Variants in NEXMIF observed in about 807,000 individuals in gnomAD.
The protein encoded by NEXMIF is XLMR protein related to neurite extension.
In NEXMIF, 8 loss-of-function variants were observed where a neutral mutation model predicts 62.1. The observed-to-expected ratio is 0.13, with a 90% CI of 0.08 to 0.23. NEXMIF has a LOEUF of 0.23. Among genes scored for constraint, NEXMIF ranks in the 10% least tolerant of loss-of-function variants. NEXMIF has a pLI of 1.00. For missense variants in NEXMIF, 976 were observed against 1,113.3 expected, an observed-to-expected ratio of 0.88 and a Z score of 1.75; for synonymous variants, 404 against 416.6, an observed-to-expected ratio of 0.97 and a Z score of 0.37.
chrX:74,789,505 G>A (rs2080271820), intron 1 of NEXMIF, among the ~76,000 whole-genome samples: 2 of 110,789 alleles, frequency 1.8e-5, no homozygotes, highest in African/African-American at 6.6e-5. Flanking sequence ...TGGGATGGCT[G>A]GGTCAAATGG....
intron 1 of NEXMIF, among the ~76,000 whole-genome samples, chrX:74,903,880 CGTGTGTGTGTGTGTGTGTGTGTGTGTGT>C (rs3222701): frequency 3.2e-5 from 3 of 94,212 alleles, no homozygotes; most frequent in African/African-American, 7.7e-5. Flanking sequence ...CAATTCTAAT[CGTGTGTGTGTGTGTGTGTGTGTGTGTGT>C]GTGTGTGTGT....
At chrX:74,787,753 G>T (rs1219803015) in intron 1 of NEXMIF, among the ~76,000 whole-genome samples, 1 of 112,127 alleles carries the variant, frequency 8.9e-6, no homozygotes, top group African/African-American at 3.2e-5. Context: ...GAGCTGTGCT[G>T]AGATGCAAGG....
chrX:74,756,029 C>T (rs1297913741), intron 1 of NEXMIF, among the ~76,000 whole-genome samples: 3 of 111,656 alleles, frequency 2.7e-5, no homozygotes, highest in Admixed American at 9.5e-5. Flanking sequence ...GCACGTGCCA[C>T]CATACCCGAC....
intron 1 of NEXMIF, among the ~76,000 whole-genome samples, chrX:74,755,154 A>C (rs2080155806): frequency 8.9e-6 from 1 of 112,433 alleles, no homozygotes; most frequent in Non-Finnish European, 1.9e-5. Context: ...TTACTTGAGC[A>C]CTCCACTTCC....
chrX:74,897,490 A>G (rs1391383030), intron 1 of NEXMIF, among the ~76,000 whole-genome samples: 1 of 112,193 alleles, frequency 8.9e-6, no homozygotes, highest in African/African-American at 3.2e-5. Flanking sequence ...CATAGTTTCT[A>G]GTAGAAGAAC....
intron 1 of NEXMIF, among the ~76,000 whole-genome samples, chrX:74,761,996 A>G (rs761647925): frequency 1.8e-5 from 2 of 110,945 alleles, no homozygotes; most frequent in African/African-American, 3.3e-5. Flanking sequence ...TTTAAGTTCT[A>G]GGGTACATGT....
intron 1 of NEXMIF, among the ~76,000 whole-genome samples, chrX:74,861,918 T>C (rs981598033): frequency 9.0e-6 from 1 of 111,499 alleles, no homozygotes; most frequent in African/African-American, 3.3e-5. Context: ...CCAATGACAC[T>C]ATGAAGCAAC....
At chrX:74,807,523 C>T (rs183108646) in intron 1 of NEXMIF, among the ~76,000 whole-genome samples, 50 of 110,190 alleles carry the variant, frequency 4.5e-4, no homozygotes, top group Admixed American at 2.1e-3. Context: ...AGTGCAGTGG[C>T]GCCATCTTGG....
At chrX:74,756,434 C>G (rs1021352039) in intron 1 of NEXMIF, among the ~76,000 whole-genome samples, 1 of 111,376 alleles carries the variant, frequency 9.0e-6, no homozygotes. Flanking sequence ...GGAACCCAAA[C>G]ACACGTGTTA....
chrX:74,860,802 A>G, intron 1 of NEXMIF, among the ~76,000 whole-genome samples: 1 of 112,035 alleles, frequency 8.9e-6, no homozygotes, highest in East Asian at 2.8e-4. Context: ...AAAAAGAAGA[A>G]CAACTTCAAA....
intron 1 of NEXMIF, among the ~76,000 whole-genome samples, chrX:74,823,374 C>T (rs1391560813): frequency 9.0e-6 from 1 of 111,296 alleles, no homozygotes; most frequent in East Asian, 2.8e-4. Context: ...CTTGATAAAG[C>T]TGCTAAAAAT....
intron 1 of NEXMIF, among the ~76,000 whole-genome samples, chrX:74,894,631 C>A (rs1476216439): frequency 3.6e-5 from 4 of 112,090 alleles, no homozygotes; most frequent in Non-Finnish European, 5.6e-5. Context: ...TTAGAAAGAT[C>A]ATTTATCATG....
chrX:74,912,777 T>C (rs189771104), intron 1 of NEXMIF, among the ~76,000 whole-genome samples: 3 of 111,665 alleles, frequency 2.7e-5, no homozygotes, highest in Non-Finnish European at 3.8e-5. Flanking sequence ...ATATATGTTA[T>C]CCAATATGGT....
intron 1 of NEXMIF, among the ~76,000 whole-genome samples, chrX:74,801,740 G>A (rs1252196023): frequency 8.9e-6 from 1 of 112,562 alleles, no homozygotes; most frequent in Non-Finnish European, 1.9e-5. Context: ...CAGGGGCATA[G>A]AGCATCAAGC....
At position 74,859,280 on chromosome X, in the gene NEXMIF, C is replaced by T. The variant is rs1297275519; in HGVS notation, c.-48+65603G>A. ...AAGCAGCAAGAGAAAAGAAACAACA[C>T]ACAATAAAGCTCCATTACATCTTGC... On this transcript the variant is annotated intron_variant, in intron 1 of 3. Transcript: ENST00000055682. Among the ~76,000 whole-genome samples, 3 of 111,712 alleles carry T rather than the reference C, an allele frequency of 2.7e-5. No homozygotes were observed. In the South Asian group the frequency reaches 1.1e-3, roughly 41 times the overall value.
chrX:74,772,856 T>TA (rs893321547), intron 1 of NEXMIF, among the ~76,000 whole-genome samples: 3 of 111,513 alleles, frequency 2.7e-5, no homozygotes, highest in African/African-American at 9.8e-5. Context: ...TTCAAATTTT[T>TA]AAAAAGGCCC....
intron 1 of NEXMIF, among the ~76,000 whole-genome samples, chrX:74,840,031 A>G (rs945462556): frequency 1.8e-4 from 20 of 111,849 alleles, no homozygotes; most frequent in African/African-American, 6.2e-4. Context: ...ACACTCACCA[A>G]TAGTGTATAA....
At chrX:74,807,730 TG>T (rs2080349285) in intron 1 of NEXMIF, among the ~76,000 whole-genome samples, 1 of 111,994 alleles carries the variant, frequency 8.9e-6, no homozygotes, top group African/African-American at 3.2e-5. Flanking sequence ...CCCAAAGTGC[TG>T]GGAATACAGG....
At chrX:74,797,239 A>G (rs1332925728) in intron 1 of NEXMIF, among the ~76,000 whole-genome samples, 1 of 112,309 alleles carries the variant, frequency 8.9e-6, no homozygotes, top group Admixed American at 9.5e-5. Context: ...ATTAAATGCA[A>G]TGTATTATCT....
Sources: gnomAD v4.1 joint callset for allele counts (sites outside exome capture counted in the v4.1 genomes callset) on GRCh38, gnomAD v4.1.1 for gene constraint, MANE v1.5 for transcripts, NCBI Gene and HGNC (gene_info 2026-07-23, HGNC 2026-07-21) for gene names.